Variants in LRCH3 observed in about 807,000 individuals in gnomAD.
The protein encoded by LRCH3 is leucine rich repeats and calponin homology domain containing 3.
LRCH3 carries 68 observed loss-of-function variants against 104.5 expected under a neutral mutation model. The observed-to-expected ratio is 0.65, with a 90% CI of 0.54 to 0.80. The LOEUF (loss-of-function observed/expected upper bound fraction) is 0.80, where lower values mean the gene tolerates loss of function less well. LRCH3 is among the 30% of genes least tolerant of loss of function. The pLI is 0.00. For missense variants in LRCH3, 951 were observed against 953.9 expected (o/e 1.00, Z 0.04); for synonymous variants, 344 against 361.3 (o/e 0.95, Z 0.54).
intron 1 of LRCH3, among the ~76,000 whole-genome samples, chr3:197,794,647 A>C (rs1263101290): frequency 6.6e-6 from 1 of 152,208 alleles, no homozygotes; most frequent in East Asian, 1.9e-4. Flanking sequence ...CCATATTTAT[A>C]ATTAGACATG....
At chr3:197,846,408 A>G (rs1032722638) in intron 10 of LRCH3, among the ~76,000 whole-genome samples, 1 of 151,298 alleles carries the variant, frequency 6.6e-6, no homozygotes, top group Non-Finnish European at 1.5e-5. Flanking sequence ...AAACAAAAAA[A>G]AAACGGCTGG....
Position 197,826,890 on chromosome 3 carries a change from T to A in LRCH3, c.653T>A (p.Leu218Ter). The A allele has an allele frequency of 6.2e-7, 1 of 1,614,154 alleles. No homozygotes were observed. The highest frequency in any genetic ancestry group is 8.5e-7 in the Non-Finnish European group (1 of 1,180,016). The change falls in exon 5 of 21, where the codon TTG (leucine) becomes TAG (stop). Residue 218 changes from leucine to a stop codon, truncating the protein, a stop_gained. Coordinates refer to ENST00000425562, the MANE Select transcript of LRCH3 (RefSeq NM_001365715.1). LOFTEE classifies it high-confidence loss of function. ...LVHLPEELAELPLIRLDFSCN... is the reference protein window; with the variant it reads ...LVHLPEELAE ...TACCTTCTTGCAGAGCTGGCGGAGTTGCCTTTGATACGGTTAGACTTCTCA... is the reference window on the plus strand; with the variant it reads ...TACCTTCTTGCAGAGCTGGCGGAGTAGCCTTTGATACGGTTAGACTTCTCA...
intron 3 of LRCH3, among the ~76,000 whole-genome samples, chr3:197,818,549 G>A (rs1364819237): frequency 6.6e-6 from 1 of 152,172 alleles, no homozygotes; most frequent in Non-Finnish European, 1.5e-5. Flanking sequence ...ATTTAAACTA[G>A]AGTCTACATT....
rs1419120255 is a variant in LRCH3, at chr3:197,888,329, C to G, written c.*4663C>G. On this transcript the variant is annotated 3_prime_UTR_variant, in exon 21 of 21. Transcript: ENST00000425562. ...TGTCTGTAAATATATTGCATAAGTT[C>G]TAAGTATAAATATGTCAGTATCATG... The G allele has an allele frequency of 1.3e-5, 2 of 152,172 alleles. No homozygotes were observed. Among genetic ancestry groups the G allele is most frequent in the Admixed American group, 1.3e-4 (2 of 15,284 alleles). 9.4% of individuals were successfully genotyped at this position (152,172 alleles called of 1,614,324 possible).
intron 1 of LRCH3, among the ~76,000 whole-genome samples, chr3:197,797,011 T>C (rs1201374295): frequency 6.6e-6 from 1 of 151,486 alleles, no homozygotes; most frequent in Non-Finnish European, 1.5e-5. Context: ...GCCAACATGG[T>C]GAAACCCTGT....
chr3:197,867,253 G>T (rs1200936983), intron 17 of LRCH3, among the ~76,000 whole-genome samples: 1 of 151,886 alleles, frequency 6.6e-6, no homozygotes, highest in South Asian at 2.1e-4. Context: ...CTCCAGTCTG[G>T]GCGGTAGAGT....
intron 17 of LRCH3, 146 bp downstream of exon 17, chr3:197,866,365 T>C (rs1018632319): frequency 2.3e-5 from 14 of 607,818 alleles, no homozygotes; most frequent in Non-Finnish European, 4.1e-5. Flanking sequence ...ATCTCACTGA[T>C]ACTAAAGCAG....
chr3:197,828,032 G>A lies in LRCH3; in HGVS notation c.777+1018G>A, dbSNP rs549155407. Among the ~76,000 whole-genome samples the A allele has an allele frequency of 3.4e-3, 504 of 148,448 alleles. 2 individuals carry two copies. Among genetic ancestry groups the A allele is most frequent in the Middle Eastern group, 0.011 (3 of 276 alleles). ...GTGGAGGCTGCAGTGAGCTGAGATG[G>A]CGCCACTGCACTCCAGCCTGGGCGA... On this transcript the variant is annotated intron_variant, in intron 5 of 20. Coordinates refer to ENST00000425562, the MANE Select transcript of LRCH3 (RefSeq NM_001365715.1).
intron 1 of LRCH3, among the ~76,000 whole-genome samples, chr3:197,794,086 A>G (rs547102002): frequency 6.6e-6 from 1 of 152,186 alleles, no homozygotes; most frequent in East Asian, 1.9e-4. Context: ...TATGGCTATC[A>G]CCACTATATA....
At chr3:197,813,521 T>C (rs1027368207) in intron 1 of LRCH3, among the ~76,000 whole-genome samples, 20,385 of 82,438 alleles carry the variant, frequency 0.25, 5,799 homozygotes, top group South Asian at 0.3. Context: ...TTTTTTTTTT[T>C]TTTTTTTTTT....
intron 19 of LRCH3, among the ~76,000 whole-genome samples, chr3:197,872,070 A>T (rs1270468603): frequency 6.6e-6 from 1 of 152,196 alleles, no homozygotes; most frequent in African/African-American, 2.4e-5. Context: ...TAGAATGACG[A>T]ATCTAGGCTG....
chr3:197,881,824 G>T (rs1435110999), intron 20 of LRCH3: 23 of 985,282 alleles, frequency 2.3e-5, no homozygotes, highest in Non-Finnish European at 2.7e-5. Context: ...AATTCAGCCT[G>T]AGGGAGGAGC....
chr3:197,851,583 G>A (rs765210166), intron 12 of LRCH3, among the ~76,000 whole-genome samples: 2 of 152,148 alleles, frequency 1.3e-5, no homozygotes, highest in African/African-American at 4.8e-5. Context: ...CTTGCCGTGC[G>A]CTTGACTTTC....
At chr3:197,880,656 T>C (rs1279055983) in intron 20 of LRCH3, 1 of 1,536,832 alleles carries the variant, frequency 6.5e-7, no homozygotes, top group Admixed American at 2.0e-5. Flanking sequence ...TGTGGCATTT[T>C]ACTGTACTGT....
chr3:197,862,953 T>G (rs1458013335), intron 15 of LRCH3, among the ~76,000 whole-genome samples: 1 of 152,234 alleles, frequency 6.6e-6, no homozygotes, highest in Non-Finnish European at 1.5e-5. Context: ...AAGTGAGTCT[T>G]GAGAATTTTC....
intron 1 of LRCH3, among the ~76,000 whole-genome samples, chr3:197,804,191 A>T (rs116159183): frequency 0.022 from 3,307 of 151,686 alleles, 68 homozygotes; most frequent in East Asian, 0.054. Context: ...CAAACCCCAG[A>T]GGTGGAGGTT....
intron 19 of LRCH3, among the ~76,000 whole-genome samples, chr3:197,875,123 G>A (rs1580899403): frequency 6.6e-6 from 1 of 151,908 alleles, no homozygotes; most frequent in South Asian, 2.1e-4. Flanking sequence ...TAGAGACGGG[G>A]TTTCTCCATG....
upstream of LRCH3, chr3:197,791,241 G>T (rs774848882): frequency 4.4e-6 from 7 of 1,600,658 alleles, no homozygotes; most frequent in Admixed American, 1.7e-5. Context: ...GGCCGCGCAT[G>T]CGCTGAGCTG....
intron 1 of LRCH3, among the ~76,000 whole-genome samples, chr3:197,794,438 G>A (rs191837861): frequency 6.6e-5 from 10 of 152,284 alleles, no homozygotes; most frequent in Admixed American, 6.5e-4. Flanking sequence ...TTTATGGCAG[G>A]TACTTTGATT....
Sources: gnomAD v4.1 joint callset for allele counts (sites outside exome capture counted in the v4.1 genomes callset) on GRCh38, gnomAD v4.1.1 for gene constraint, MANE v1.5 for transcripts, NCBI Gene and HGNC (gene_info 2026-07-23, HGNC 2026-07-21) for gene names.